The following CFAP53 variants were observed in gnomAD, a reference collection of about 807,000 sequenced individuals.
CFAP53 encodes cilia and flagella associated protein 53.
Under a neutral mutation model 59.7 loss-of-function variants are expected in CFAP53, and 62 were observed. The observed-to-expected ratio is 1.04, with a 90% confidence interval of 0.85 to 1.28. The LOEUF is 1.28. Among genes scored for constraint, CFAP53 ranks in the 50% most tolerant of loss-of-function variants. The pLI, the probability that CFAP53 is intolerant of heterozygous loss-of-function variation, is 0.00. For synonymous variants in CFAP53, 218 were observed against 205.7 expected, an observed-to-expected ratio of 1.06 and a Z score of -0.51; for missense variants, 629 against 615.6, an observed-to-expected ratio of 1.02 and a Z score of -0.23.
intron 2 of CFAP53, 25 bp downstream of exon 2, chr18:50,261,965 T>A (rs1211060260): frequency 1.3e-6 from 2 of 1,567,392 alleles, no homozygotes; most frequent in Non-Finnish European, 1.8e-6. Flanking sequence ...TTTCATGGTT[T>A]ATGTCCCAGG....
intron 2 of CFAP53, 108 bp downstream of exon 2, chr18:50,261,882 T>C: frequency 2.7e-6 from 2 of 749,480 alleles, no homozygotes; most frequent in Non-Finnish European, 2.2e-6. Flanking sequence ...GGATTTAATA[T>C]AAACATCTCA....
chr18:50,264,591 A>T (rs1012669662), intron 1 of CFAP53, among the ~76,000 whole-genome samples: 1 of 152,196 alleles, frequency 6.6e-6, no homozygotes, highest in South Asian at 2.1e-4. Context: ...TCCAAGTCTC[A>T]TCTGCTGGTG....
chr18:50,235,652 TACA>T (rs574686306), intron 7 of CFAP53, among the ~76,000 whole-genome samples: 2 of 152,208 alleles, frequency 1.3e-5, no homozygotes, highest in Admixed American at 6.5e-5. Flanking sequence ...ATTTCTAGAA[TACA>T]ACAATTTCAA....
intron 7 of CFAP53, among the ~76,000 whole-genome samples, chr18:50,227,858 G>A (rs890510345): frequency 4.0e-5 from 6 of 151,086 alleles, no homozygotes; most frequent in Non-Finnish European, 5.9e-5. Context: ...TCACTGCTAT[G>A]TGGTAATGGT....
At chr18:50,232,302 A>G (rs927834415) in intron 7 of CFAP53, among the ~76,000 whole-genome samples, 6 of 152,360 alleles carry the variant, frequency 3.9e-5, no homozygotes, top group Non-Finnish European at 7.3e-5. Flanking sequence ...TGTGTAACAC[A>G]GCATGGCCCC....
chr18:50,262,791 A>G lies in CFAP53; in HGVS notation c.70-572T>C, dbSNP rs375238263. Among the ~76,000 whole-genome samples the G allele has an allele frequency of 4.6e-5, 7 of 152,308 alleles. No homozygotes were observed. The East Asian group carries it at 1.3e-3, about 29-fold the overall frequency. On this transcript the variant is annotated intron_variant, in intron 1 of 7. Transcript: ENST00000398545. ...GTATATGGATATATAACGAGTTGTG[A>G]TAATGAAAGATCTTTGACTAAGAAG...
intron 5 of CFAP53, among the ~76,000 whole-genome samples, chr18:50,244,819 C>T (rs1167637148): frequency 6.6e-6 from 1 of 151,018 alleles, no homozygotes; most frequent in Non-Finnish European, 1.5e-5. Context: ...CCAGCACTTT[C>T]GGAGGCTGAG....
intron 7 of CFAP53, among the ~76,000 whole-genome samples, chr18:50,235,747 A>G (rs969759751): frequency 1.3e-5 from 2 of 152,202 alleles, no homozygotes; most frequent in African/African-American, 4.8e-5. Flanking sequence ...ACAATATTTT[A>G]GGCTGCAAAT....
intron 3 of CFAP53, among the ~76,000 whole-genome samples, chr18:50,258,890 C>G (rs1413505211): frequency 3.3e-5 from 5 of 152,132 alleles, no homozygotes; most frequent in African/African-American, 1.2e-4. Flanking sequence ...AAATGCAGAT[C>G]AAAACTACAG....
intron 7 of CFAP53, among the ~76,000 whole-genome samples, chr18:50,235,973 A>G (rs1254324368): frequency 6.6e-6 from 1 of 152,214 alleles, no homozygotes; most frequent in African/African-American, 2.4e-5. Context: ...CTATTTAGGT[A>G]AAAGGAGTCA....
intron 1 of CFAP53, 118 bp downstream of exon 1, chr18:50,266,218 G>A: frequency 1.1e-6 from 1 of 904,284 alleles, no homozygotes; most frequent in South Asian, 1.4e-5. Context: ...CACTGCATCA[G>A]GCGACACCCG....
intron 3 of CFAP53, among the ~76,000 whole-genome samples, chr18:50,259,852 A>G (rs1400638778): frequency 6.6e-6 from 1 of 152,240 alleles, no homozygotes; most frequent in Non-Finnish European, 1.5e-5. Context: ...GCCCAGCCAA[A>G]TAACAGCAAT....
intron 5 of CFAP53, 49 bp from the exon 6 acceptor site, chr18:50,243,165 A>G (rs754267468): frequency 1.5e-5 from 20 of 1,313,030 alleles, no homozygotes; most frequent in Non-Finnish European, 5.4e-6. Flanking sequence ...GTGTGATACT[A>G]TAGTAAGGAT....
At chr18:50,251,198 G>A (rs2033795549) in intron 4 of CFAP53, among the ~76,000 whole-genome samples, 1 of 152,212 alleles carries the variant, frequency 6.6e-6, no homozygotes, top group South Asian at 2.1e-4. Flanking sequence ...AATAGTTGTA[G>A]AGTTGAAAAC....
chr18:50,248,701 C>G (rs1459013844), intron 5 of CFAP53, among the ~76,000 whole-genome samples: 1 of 150,662 alleles, frequency 6.6e-6, no homozygotes, highest in Non-Finnish European at 1.5e-5. Context: ...AGGAGAATCA[C>G]TTGAACCCGG....
chr18:50,243,489 C>A (rs1213490175), intron 5 of CFAP53, among the ~76,000 whole-genome samples: 1 of 152,216 alleles, frequency 6.6e-6, no homozygotes, highest in Non-Finnish European at 1.5e-5. Context: ...AATGATACAG[C>A]TTTATTTTCA....
intron 5 of CFAP53, among the ~76,000 whole-genome samples, chr18:50,249,024 G>A (rs192170118): frequency 1.2e-3 from 187 of 151,538 alleles, no homozygotes; most frequent in African/African-American, 4.2e-3. Context: ...CCAACGTGGC[G>A]AAACGCTGTC....
intron 5 of CFAP53, among the ~76,000 whole-genome samples, chr18:50,249,335 T>G (rs180796898): frequency 2.6e-5 from 4 of 150,964 alleles, no homozygotes; most frequent in Non-Finnish European, 4.4e-5. Context: ...CTGGGCAGCA[T>G]AGTGAGACCC....
intron 7 of CFAP53, among the ~76,000 whole-genome samples, chr18:50,230,724 G>A (rs984816762): frequency 6.6e-6 from 1 of 152,172 alleles, no homozygotes; most frequent in African/African-American, 2.4e-5. Context: ...CTAACTCTGG[G>A]TAGTTACTAT....
Sources: gnomAD v4.1 joint callset for allele counts (sites outside exome capture counted in the v4.1 genomes callset) on GRCh38, gnomAD v4.1.1 for gene constraint, MANE v1.5 for transcripts, NCBI Gene and HGNC (gene_info 2026-07-23, HGNC 2026-07-21) for gene names.